The following TG variants were observed in gnomAD, a reference collection of about 807,000 sequenced individuals.
The protein encoded by TG is thyroglobulin, also known as thyroid hormones.
Under a neutral mutation model 324.7 loss-of-function variants are expected in TG, and 270 were observed. The ratio of observed to expected loss-of-function variants is 0.83; its 90% CI spans 0.75 to 0.92. The LOEUF is 0.92. TG is among the 40% of genes least tolerant of loss of function. TG has a pLI of 0.00. For missense variants in TG, 3,591 were observed against 3,456.4 expected (o/e 1.04, Z -0.98); for synonymous variants, 1,401 against 1,327.0 (o/e 1.06, Z -1.21).
chr8:133,011,801 G>A, intron 35 of TG, 100 bp from the exon 36 acceptor site: 1 of 1,454,292 alleles, frequency 6.9e-7, no homozygotes, highest in Non-Finnish European at 9.6e-7. Context: ...AGAGGAGGAT[G>A]CCCCTAAGGC....
intron 35 of TG, among the ~76,000 whole-genome samples, chr8:132,999,927 C>A (rs1187493598): frequency 6.6e-6 from 1 of 152,128 alleles, no homozygotes; most frequent in Non-Finnish European, 1.5e-5. Context: ...GACCTACATC[C>A]CCCTGTGGGA....
chr8:132,899,461 A>T (rs974072199), intron 14 of TG, among the ~76,000 whole-genome samples: 1 of 152,226 alleles, frequency 6.6e-6, no homozygotes, highest in African/African-American at 2.4e-5. Context: ...CTAAAATAGG[A>T]TGGTAGGAAC....
chr8:132,965,039 T>G, intron 29 of TG: 1 of 667,172 alleles, frequency 1.5e-6, no homozygotes, highest in South Asian at 1.6e-5. Context: ...TCTTTCTGCT[T>G]TCTTGAGGGG....
chr8:133,133,321 A>G (rs1408751082), intron 46 of TG, 149 bp from the exon 47 acceptor site: 2 of 808,798 alleles, frequency 2.5e-6, no homozygotes, highest in Admixed American at 4.0e-5. Flanking sequence ...CAACCCCAGA[A>G]GCCAGATTTA....
chr8:132,919,641 G>A (rs1587406202), intron 21 of TG, 116 bp downstream of exon 21: 1 of 1,446,374 alleles, frequency 6.9e-7, no homozygotes, highest in Admixed American at 1.7e-5. Context: ...TTTGTGCAGG[G>A]TTGGCCTGTG....
chr8:133,122,797 G>C (rs975687299), intron 45 of TG, among the ~76,000 whole-genome samples: 1 of 152,170 alleles, frequency 6.6e-6, no homozygotes, highest in Non-Finnish European at 1.5e-5. Context: ...TGATTTCCAA[G>C]GCTACTGATG....
intron 26 of TG, among the ~76,000 whole-genome samples, chr8:132,947,962 T>A (rs932688093): frequency 6.6e-6 from 1 of 152,130 alleles, no homozygotes; most frequent in African/African-American, 2.4e-5. Context: ...AAGTCATAAT[T>A]TTTGGGTAGC....
intron 41 of TG, among the ~76,000 whole-genome samples, chr8:133,051,159 C>T (rs1403274895): frequency 6.6e-6 from 1 of 152,194 alleles, no homozygotes; most frequent in Non-Finnish European, 1.5e-5. Flanking sequence ...CTCATGTTCT[C>T]ATCTGAGAAA....
intron 5 of TG, among the ~76,000 whole-genome samples, chr8:132,877,221 C>T (rs1408002514): frequency 6.6e-6 from 1 of 152,142 alleles, no homozygotes; most frequent in African/African-American, 2.4e-5. Context: ...CTCACTGCAA[C>T]CTCTGCCTCC....
At chr8:133,022,179 T>C (rs1835626211) in intron 40 of TG, 29 bp downstream of exon 40, 3 of 1,613,788 alleles carry the variant, frequency 1.9e-6, no homozygotes, top group Middle Eastern at 1.7e-4. Flanking sequence ...TGGGAGCTGC[T>C]GACCCCCTGA....
In TG at chr8:132,886,541, C is replaced by T. The variant is rs756665599; in HGVS notation, c.1169C>T (p.Ser390Phe). The T allele has an allele frequency of 6.8e-6, 11 of 1,614,116 alleles. No homozygotes were observed. Among genetic ancestry groups the T allele is most frequent in the Non-Finnish European group, 9.3e-6 (11 of 1,180,058 alleles). ...SGYFSQHDLF[S>F]SPEKRWASPR... ...TACTTCAGCCAGCACGACCTGTTCT[C>T]TTCCCCAGAGAAAAGATGGGCCTCT... Residue 390 changes from serine to phenylalanine, a missense_variant, in exon 9 of 48, where the codon TCT (serine) becomes TTT (phenylalanine). Physicochemically the swap from Ser to Phe is radical, Grantham distance 155. Transcript: ENST00000220616.
chr8:132,935,529 A>T (rs1447489338), intron 24 of TG, among the ~76,000 whole-genome samples: 2 of 152,076 alleles, frequency 1.3e-5, no homozygotes. Flanking sequence ...AATGGAATCA[A>T]TTGCTCCTTC....
chr8:132,913,077 G>A lies in TG; in HGVS notation c.4190G>A (p.Gly1397Glu). Reference protein sequence around the residue: ...ERALVGKDLLGRFTDLIQSGS... With the variant: ...ERALVGKDLLERFTDLIQSGS... The stretch of plus-strand genomic sequence containing the variant: ...GCCTTGGTGGGCAAGGATCTCCTTG[G>A]GCGCTTCACAGATCTGATCCAGAGT... Residue 1397 changes from glycine (G) to glutamate (E), a missense_variant, in exon 20 of 48, where the codon GGG (glycine) becomes GAG (glutamate). Gly to Glu is a moderately conservative substitution (Grantham distance 98, BLOSUM62 -2). Transcript: ENST00000220616. The A allele has an allele frequency of 6.2e-7, 1 of 1,614,110 alleles. No individual in the cohort carries two copies. The highest frequency in any genetic ancestry group is 8.5e-7 in the Non-Finnish European group (1 of 1,180,026).
At chr8:132,953,898 G>C (rs955352152) in intron 27 of TG, among the ~76,000 whole-genome samples, 1 of 152,082 alleles carries the variant, frequency 6.6e-6, no homozygotes, top group Non-Finnish European at 1.5e-5. Context: ...AAGCTCTGGG[G>C]CTGCATATGG....
At chr8:133,010,851 C>T (rs981806616) in intron 35 of TG, among the ~76,000 whole-genome samples, 1 of 152,142 alleles carries the variant, frequency 6.6e-6, no homozygotes, top group Non-Finnish European at 1.5e-5. Context: ...ACAGCCACGT[C>T]CTACGTACAG....
intron 41 of TG, among the ~76,000 whole-genome samples, chr8:133,088,685 G>A (rs1463705286): frequency 6.6e-6 from 1 of 152,092 alleles, no homozygotes. Context: ...GCATTCACTA[G>A]GCCTTCTTCA....
chr8:132,961,737 A>G (rs1827788773), intron 28 of TG, among the ~76,000 whole-genome samples: 1 of 150,278 alleles, frequency 6.7e-6, no homozygotes, highest in African/African-American at 2.5e-5. Flanking sequence ...ATCACAGGTC[A>G]TGGCCATATG....
At chr8:132,975,244 C>T (rs866188980) in intron 34 of TG, among the ~76,000 whole-genome samples, 12 of 152,334 alleles carry the variant, frequency 7.9e-5, no homozygotes, top group Middle Eastern at 3.4e-3. Flanking sequence ...CTCCTTACCT[C>T]ACCAAAGTCT....
intron 25 of TG, among the ~76,000 whole-genome samples, chr8:132,937,534 G>A (rs1028921498): frequency 6.6e-6 from 1 of 151,944 alleles, no homozygotes; most frequent in African/African-American, 2.4e-5. Context: ...AGGGTCACTC[G>A]GATCTCTCTA....
Sources: allele counts gnomAD v4.1 joint callset (sites outside exome capture counted in the v4.1 genomes callset), GRCh38; gene constraint gnomAD v4.1.1; transcripts MANE v1.5; gene names NCBI Gene and HGNC (gene_info 2026-07-23, HGNC 2026-07-21).